PTPRD: variants seen among roughly 807,000 people sequenced by gnomAD.
PTPRD encodes receptor-type tyrosine-protein phosphatase delta.
PTPRD carries 34 observed loss-of-function variants against 214.5 expected under a neutral mutation model. That is an observed-to-expected ratio of 0.16 (90% CI 0.12 to 0.21). The LOEUF (loss-of-function observed/expected upper bound fraction) is 0.21, where lower values mean the gene tolerates loss of function less well. PTPRD is among the 10% of genes least tolerant of loss of function. PTPRD has a pLI of 1.00. For missense variants in PTPRD, 2,545 were observed against 2,398.7 expected (o/e 1.06, Z -1.27); for synonymous variants, 1,128 against 845.7 (o/e 1.33, Z -5.79).
At chr9:8,528,868 C>G in intron 14 of PTPRD, 89 bp from the exon 15 acceptor site, 1 of 1,310,292 alleles carries the variant, frequency 7.6e-7, no homozygotes, top group Non-Finnish European at 1.1e-6. Context: ...CTTTACCTTA[C>G]TCAGTGCTTG....
chr9:9,708,697 T>G (rs1372333787), intron 7 of PTPRD, among the ~76,000 whole-genome samples: 3 of 151,944 alleles, frequency 2.0e-5, no homozygotes, highest in African/African-American at 4.8e-5. Flanking sequence ...AAAAGAGAGA[T>G]AAGTCTATAC....
chr9:10,116,011 G>C (rs919883243), intron 3 of PTPRD, among the ~76,000 whole-genome samples: 3 of 151,922 alleles, frequency 2.0e-5, no homozygotes, highest in Non-Finnish European at 2.9e-5. Context: ...CTTAGATATA[G>C]GCATATTCAT....
chr9:10,247,131 G>T (rs560043748), intron 3 of PTPRD, among the ~76,000 whole-genome samples: 2 of 152,146 alleles, frequency 1.3e-5, no homozygotes, highest in East Asian at 3.9e-4. Context: ...ACTACAAGGT[G>T]TTACACAAAG....
chr9:8,841,710 C>CT (rs200134198), intron 11 of PTPRD, among the ~76,000 whole-genome samples: 37 of 30,338 alleles, frequency 1.2e-3, no homozygotes, highest in African/African-American at 0.011. Flanking sequence ...TCAGAAGTGA[C>CT]TTAAAAAAAA....
intron 9 of PTPRD, among the ~76,000 whole-genome samples, chr9:9,195,034 G>A (rs779422477): frequency 9.4e-5 from 14 of 148,364 alleles, no homozygotes; most frequent in South Asian, 2.2e-4. Context: ...GTGTGTGTGT[G>A]TATATATATA....
chr9:8,373,466 A>T (rs2082136721), intron 39 of PTPRD, among the ~76,000 whole-genome samples: 1 of 151,964 alleles, frequency 6.6e-6, no homozygotes, highest in African/African-American at 2.4e-5. Context: ...TTGTTTCAAT[A>T]AGCAGCTTCT....
At chr9:9,450,946 T>TAC (rs1386137342) in intron 8 of PTPRD, among the ~76,000 whole-genome samples, 56 of 52,162 alleles carry the variant, frequency 1.1e-3, no homozygotes, top group African/African-American at 3.9e-3. Flanking sequence ...AATACATACA[T>TAC]ACATACACAC....
At chr9:9,591,312 A>G (rs1053552618) in intron 7 of PTPRD, among the ~76,000 whole-genome samples, 2 of 152,048 alleles carry the variant, frequency 1.3e-5, no homozygotes, top group African/African-American at 4.8e-5. Context: ...ATACCAGATG[A>G]CAGCCAGCAA....
chr9:9,765,999 C>T (rs1239410201), intron 6 of PTPRD, among the ~76,000 whole-genome samples: 1 of 152,150 alleles, frequency 6.6e-6, no homozygotes, highest in Non-Finnish European at 1.5e-5. Flanking sequence ...CAATTTTTCT[C>T]TTGTTAATTT....
chr9:8,355,586 T>A (rs2076777738), intron 39 of PTPRD, among the ~76,000 whole-genome samples: 2 of 152,136 alleles, frequency 1.3e-5, no homozygotes, highest in African/African-American at 4.8e-5. Context: ...TGGGAAACAG[T>A]TAAGAGACTG....
At chr9:9,406,419 G>C (rs996018889) in intron 8 of PTPRD, among the ~76,000 whole-genome samples, 1 of 151,788 alleles carries the variant, frequency 6.6e-6, no homozygotes, top group African/African-American at 2.4e-5. Context: ...AATACTACAT[G>C]GTTGAAAAAT....
chr9:8,766,791 A>T (rs1300708814), intron 11 of PTPRD, among the ~76,000 whole-genome samples: 3 of 152,310 alleles, frequency 2.0e-5, no homozygotes, highest in South Asian at 2.1e-4. Context: ...GCTCACATTA[A>T]TTTCAATGTT....
At chr9:10,278,001 A>C (rs888268720) in intron 3 of PTPRD, among the ~76,000 whole-genome samples, 5 of 152,106 alleles carry the variant, frequency 3.3e-5, no homozygotes, top group Non-Finnish European at 7.4e-5. Flanking sequence ...TCTACTAAAA[A>C]TACAAAAAAT....
intron 7 of PTPRD, among the ~76,000 whole-genome samples, chr9:9,612,352 C>A (rs2094558847): frequency 6.6e-6 from 1 of 152,126 alleles, no homozygotes; most frequent in Non-Finnish European, 1.5e-5. Context: ...CCCCACGACA[C>A]AAATCTGGTT....
intron 11 of PTPRD, among the ~76,000 whole-genome samples, chr9:8,981,643 CA>C (rs2099313302): frequency 6.6e-6 from 1 of 151,770 alleles, no homozygotes; most frequent in Non-Finnish European, 1.5e-5. Context: ...AATGTATGAG[CA>C]AAAAAGGAGA....
In PTPRD at chr9:9,134,234, G is replaced by A. The variant is rs1469060123; in HGVS notation, c.-143+49070C>T. Among the ~76,000 whole-genome samples the A allele has an allele frequency of 1.2e-4, 17 of 147,594 alleles. 2 individuals carry two copies. The South Asian group carries it at 1.7e-3, about 15-fold the overall frequency. ...ACTACAGGTGCCCGCCACCACGCCC[G>A]GCTAATTTTTTGTATTTTTTAGTAG... On this transcript the variant is annotated intron_variant, in intron 10 of 45. Coordinates refer to ENST00000381196, the MANE Select transcript of PTPRD (RefSeq NM_002839.4).
chr9:10,240,854 T>A (rs932867754), intron 3 of PTPRD, among the ~76,000 whole-genome samples: 1 of 151,826 alleles, frequency 6.6e-6, no homozygotes, highest in African/African-American at 2.4e-5. Context: ...TTAGAATCCA[T>A]CAAAATTAAA....
chr9:10,236,653 G>C (rs1266069103), intron 3 of PTPRD, among the ~76,000 whole-genome samples: 2 of 151,628 alleles, frequency 1.3e-5, no homozygotes, highest in African/African-American at 4.8e-5. Flanking sequence ...CCTAACACCT[G>C]GAAACTGTAG....
intron 11 of PTPRD, among the ~76,000 whole-genome samples, chr9:8,867,392 C>A (rs1467217336): frequency 6.6e-6 from 1 of 152,160 alleles, no homozygotes; most frequent in Admixed American, 6.6e-5. Flanking sequence ...AGTCTAGAAG[C>A]AGACTGTTCT....
Sources: gnomAD v4.1 joint callset for allele counts (sites outside exome capture counted in the v4.1 genomes callset) on GRCh38, gnomAD v4.1.1 for gene constraint, MANE v1.5 for transcripts, NCBI Gene and HGNC (gene_info 2026-07-23, HGNC 2026-07-21) for gene names.